Variants in TRIM10 observed in about 807,000 individuals in gnomAD.
The protein encoded by TRIM10 is tripartite motif-containing protein 10.
Under a neutral mutation model 40.0 loss-of-function variants are expected in TRIM10, and 42 were observed. The observed-to-expected ratio is 1.05, with a 90% CI of 0.82 to 1.36. TRIM10 has a LOEUF of 1.36. Ranked by LOEUF, TRIM10 falls within the 40% of genes most tolerant of loss-of-function variation. The probability of loss-of-function intolerance (pLI) is 0.00; values close to 1 mark genes in which losing one functional copy is unlikely to be tolerated. For missense variants in TRIM10, 601 were observed against 608.3 expected (o/e 0.99, Z 0.13); for synonymous variants, 260 against 239.5 (o/e 1.09, Z -0.79).
intron 3 of TRIM10, among the ~76,000 whole-genome samples, chr6:30,157,954 T>C (rs960728723): frequency 1.3e-5 from 2 of 152,192 alleles, no homozygotes; most frequent in African/African-American, 4.8e-5. Context: ...TTCTAAGTCA[T>C]GCTGCCTTTC....
chr6:30,163,844 A>G (rs1773362422), upstream of TRIM10: 1 of 1,612,876 alleles, frequency 6.2e-7, no homozygotes, highest in African/African-American at 1.3e-5. Flanking sequence ...CTCGGGCAAG[A>G]TCCTGCTCTG....
upstream of TRIM10, among the ~76,000 whole-genome samples, chr6:30,162,460 G>A (rs911044608): frequency 2.0e-5 from 3 of 152,192 alleles, no homozygotes; most frequent in Admixed American, 1.3e-4. Flanking sequence ...GTGGCAGGAA[G>A]AGCAGAGATT....
chr6:30,159,170 T>G lies in TRIM10; in HGVS notation c.505A>C (p.Lys169Gln). The G allele has an allele frequency of 6.2e-7, 1 of 1,611,692 alleles. No homozygotes were observed. The stretch of plus-strand genomic sequence containing the variant: ...CTTACCAGGAGGACTTGCATCCTTT[T>G]ATTTTCTCTTGACTGGATTTCTTGA... ...EIQEIQSREN[K>Q]RMQVLLTQVS... Residue 169 changes from lysine (K) to glutamine (Q), a missense_variant, in exon 2 of 7, where the codon AAA (lysine) becomes CAA (glutamine). Lys to Gln is a moderately conservative substitution (Grantham distance 53, BLOSUM62 1). Transcript: ENST00000449742.
In TRIM10 at chr6:30,152,335, A is replaced by T. The variant is rs1280069609; in HGVS notation, c.*1634T>A. 2 of 143,768 alleles carry T rather than the reference A, an allele frequency of 1.4e-5. No individual in the cohort carries two copies. Among genetic ancestry groups the T allele is most frequent in the Non-Finnish European group, 3.1e-5 (2 of 63,740 alleles). 8.9% of individuals were successfully genotyped at this position (143,768 alleles called of 1,614,324 possible). A position where few individuals can be genotyped will look rare whatever the true frequency, so the allele number is the denominator to read the frequency against. Reference sequence around the variant, plus strand: ...AAAAGACACAGCTAAAGCCAATAAAAATAAACAAAAATAGGATCTACTTTT... The same window carrying T: ...AAAAGACACAGCTAAAGCCAATAAATATAAACAAAAATAGGATCTACTTTT... On this transcript the variant is annotated 3_prime_UTR_variant, in exon 7 of 7. Coordinates refer to ENST00000449742, the MANE Select transcript of TRIM10 (RefSeq NM_006778.4).
At chr6:30,158,720 A>C in intron 2 of TRIM10, 91 bp from the exon 3 acceptor site, 1 of 1,041,652 alleles carries the variant, frequency 9.6e-7, no homozygotes, top group South Asian at 1.3e-5. Context: ...TAGATCTGGA[A>C]CTGTGTCATG....
At chr6:30,159,348 G>A in intron 1 of TRIM10, 103 bp from the exon 2 acceptor site, 1 of 768,928 alleles carries the variant, frequency 1.3e-6, no homozygotes, top group Non-Finnish European at 2.2e-6. Context: ...CCCCAGGAGA[G>A]GAGTCCCTTC....
Position 30,153,880 on chromosome 6 carries a change from T to A in TRIM10, c.*89A>T. On this transcript the variant is annotated 3_prime_UTR_variant, in exon 7 of 7. Transcript: ENST00000449742. Reference sequence around the variant, plus strand: ...AAGCAGTCATTTCTATTCCAAGTCATCCAGGTGATTCAGCCAGGGATCAAG... The same window carrying A: ...AAGCAGTCATTTCTATTCCAAGTCAACCAGGTGATTCAGCCAGGGATCAAG... 6.3e-7 allele frequency: 1 copy of A among 1,590,976 alleles called. No individual in the cohort carries two copies. The highest frequency in any genetic ancestry group is 2.2e-5 in the East Asian group (1 of 44,536).
Position 30,154,080 on chromosome 6 carries a change from G to A in TRIM10, c.1335C>T (p.Thr445=), listed in dbSNP as rs1772272954. Residue 445 remains threonine (T), a synonymous_variant, in exon 7 of 7, where the codon ACC becomes ACT. Coordinates refer to ENST00000449742, the MANE Select transcript of TRIM10 (RefSeq NM_006778.4). Reference sequence around the variant, plus strand: ...AGATGGGCTCTCGGGTGACAGCGTTGGTGAAGGTCACCCAGCCCACCTCAT... The same window carrying A: ...AGATGGGCTCTCGGGTGACAGCGTTAGTGAAGGTCACCCAGCCCACCTCAT... ...LDYEVGWVTF[T]NAVTREPIYT... 6.2e-7 allele frequency: 1 copy of A among 1,612,202 alleles called. No individual in the cohort carries two copies.
upstream of TRIM10, chr6:30,163,799 T>C (rs1773353912): frequency 6.2e-7 from 1 of 1,612,834 alleles, no homozygotes; most frequent in Non-Finnish European, 8.5e-7. Context: ...CTGCCGGCTC[T>C]GCCTCCCCGC....
At chr6:30,159,569 T>C (rs948698444) in intron 1 of TRIM10, among the ~76,000 whole-genome samples, 9 of 152,212 alleles carry the variant, frequency 5.9e-5, no homozygotes, top group African/African-American at 2.2e-4. Flanking sequence ...CTGGGGTCTG[T>C]ACTGAGTTTG....
At chr6:30,159,304 G>C in intron 1 of TRIM10, 59 bp from the exon 2 acceptor site, 3 of 1,240,238 alleles carry the variant, frequency 2.4e-6, no homozygotes, top group Non-Finnish European at 3.5e-6. Context: ...GGTTTGTCTG[G>C]TCATCTGACC....
intron 6 of TRIM10, 118 bp from the exon 7 acceptor site, chr6:30,154,604 G>T: frequency 7.6e-7 from 1 of 1,319,040 alleles, no homozygotes; most frequent in Non-Finnish European, 1.1e-6. Context: ...AACATGTATA[G>T]TGCCTACGTG....
intron 1 of TRIM10, among the ~76,000 whole-genome samples, chr6:30,159,673 C>A (rs1772895715): frequency 1.3e-5 from 2 of 152,130 alleles, no homozygotes. Flanking sequence ...AATCAATTAT[C>A]TGTGTATGAC....
In TRIM10 at chr6:30,160,573, C is replaced by T; in HGVS notation, c.286G>A (p.Glu96Lys). 1.2e-6 allele frequency: 2 copies of T among 1,614,228 alleles called. No homozygotes were observed. The highest frequency in any genetic ancestry group is 1.7e-6 in the Non-Finnish European group (2 of 1,180,040). The change falls in exon 1 of 7, where the codon GAG becomes AAG. Residue 96 changes from glutamate to lysine, a missense_variant. Physicochemically the swap from Glu to Lys is moderately conservative, Grantham distance 56 (BLOSUM62 1). Coordinates refer to ENST00000449742, the MANE Select transcript of TRIM10 (RefSeq NM_006778.4). ...QLVSTLGLGE[E>K]DVCQEHGEKI... The stretch of plus-strand genomic sequence containing the variant: ...TCTCCGTGCTCTTGGCAGACATCCT[C>T]CTCTCCCAAACCCAGTGTGGACACC...
chr6:30,158,708 G>A, intron 2 of TRIM10, 79 bp from the exon 3 acceptor site: 1 of 1,142,590 alleles, frequency 8.8e-7, no homozygotes, highest in African/African-American at 1.5e-5. Flanking sequence ...CCTGTCCCCA[G>A]GTAGATCTGG....
intron 1 of TRIM10, among the ~76,000 whole-genome samples, chr6:30,159,652 C>A (rs1772894178): frequency 6.6e-6 from 1 of 152,206 alleles, no homozygotes; most frequent in African/African-American, 2.4e-5. Flanking sequence ...ACAACCCTCC[C>A]TTGTTACTGA....
Position 30,160,538 on chromosome 6 carries a change from G to T in TRIM10, c.321C>A (p.Tyr107Ter). ...DVCQEHGEKI[Y>*]FFCEDDEMQL... ...GCATCTCATCATCCTCACAGAAGAAGTAGATCTTCTCTCCGTGCTCTTGGC... is the reference window on the plus strand; with the variant it reads ...GCATCTCATCATCCTCACAGAAGAATTAGATCTTCTCTCCGTGCTCTTGGC... Residue 107 changes from tyrosine to a stop codon, truncating the protein, a stop_gained, in exon 1 of 7, where the codon TAC (tyrosine) becomes TAA (stop). Coordinates refer to ENST00000449742, the MANE Select transcript of TRIM10 (RefSeq NM_006778.4). LOFTEE classifies it high-confidence loss of function. 2.5e-6 allele frequency: 4 copies of T among 1,614,224 alleles called. No homozygotes were observed. Among genetic ancestry groups the T allele is most frequent in the Non-Finnish European group, 3.4e-6 (4 of 1,180,032 alleles).
At chr6:30,158,367 C>T in intron 3 of TRIM10, 32 bp downstream of exon 3, 1 of 1,571,432 alleles carries the variant, frequency 6.4e-7, no homozygotes, top group South Asian at 1.1e-5. Flanking sequence ...CAGGACAGCA[C>T]AGGTGGGGCA....
Position 30,153,810 on chromosome 6 carries a change from G to A in TRIM10, c.*159C>T, listed in dbSNP as rs147954414. On this transcript the variant is annotated 3_prime_UTR_variant, in exon 7 of 7. Coordinates refer to ENST00000449742, the MANE Select transcript of TRIM10 (RefSeq NM_006778.4). ...AAAGGACTTGATCAGTAGATTGAGA[G>A]TCCTCTCTTCTATCCCTTACCACCC... 931 of 1,612,932 alleles carry A rather than the reference G, an allele frequency of 5.8e-4. 4 individuals carry two copies. Among genetic ancestry groups the A allele is most frequent in the Admixed American group, 3.5e-3 (210 of 60,012 alleles).
Sources: gnomAD v4.1 joint callset for allele counts (sites outside exome capture counted in the v4.1 genomes callset) on GRCh38, gnomAD v4.1.1 for gene constraint, MANE v1.5 for transcripts, NCBI Gene and HGNC (gene_info 2026-07-23, HGNC 2026-07-21) for gene names.